SMYD3: variants seen among roughly 807,000 people sequenced by gnomAD.
SMYD3 encodes histone-lysine N-methyltransferase SMYD3.
SMYD3 carries 36 observed loss-of-function variants against 57.7 expected under a neutral mutation model. The ratio of observed to expected loss-of-function variants is 0.62; its 90% CI spans 0.48 to 0.82. The LOEUF is 0.82. Ranked by LOEUF, SMYD3 falls within the 40% of genes least tolerant of loss-of-function variation. SMYD3 has a pLI of 0.00. For synonymous variants in SMYD3, 211 were observed against 195.0 expected (o/e 1.08, Z -0.68); for missense variants, 515 against 538.8 (o/e 0.96, Z 0.44).
intron 8 of SMYD3, among the ~76,000 whole-genome samples, chr1:245,875,461 A>G (rs919897409): frequency 6.6e-6 from 1 of 152,232 alleles, no homozygotes; most frequent in South Asian, 2.1e-4. Context: ...CTGCTCACTG[A>G]GCCGCCTGAG....
chr1:246,296,809 T>C (rs2064803172), intron 5 of SMYD3, among the ~76,000 whole-genome samples: 1 of 152,188 alleles, frequency 6.6e-6, no homozygotes, highest in Non-Finnish European at 1.5e-5. Context: ...AAACTCCTAT[T>C]TAAGTGATTA....
chr1:246,206,037 C>T (rs2062995151), intron 5 of SMYD3, among the ~76,000 whole-genome samples: 1 of 152,062 alleles, frequency 6.6e-6, no homozygotes, highest in African/African-American at 2.4e-5. Context: ...GAGGCTTTCC[C>T]TGATGCTGCA....
At chr1:245,980,230 G>A (rs992882801) in intron 5 of SMYD3, among the ~76,000 whole-genome samples, 3 of 152,230 alleles carry the variant, frequency 2.0e-5, no homozygotes, top group Non-Finnish European at 4.4e-5. Context: ...TTGCTTTACT[G>A]TGAACTCACC....
rs139964236 is a variant in SMYD3 at position 246,158,535 on chromosome 1, C to T, written c.531+168666G>A. On this transcript the variant is annotated intron_variant, in intron 5 of 11. Coordinates refer to ENST00000490107, the MANE Select transcript of SMYD3 (RefSeq NM_001167740.2). ...GGCTTTGTTTTTTTGAGAACTACCC[C>T]GTAGAGTAAAGCATACCTTTTTATA... Among the ~76,000 whole-genome samples, 714 of 152,058 alleles carry T rather than the reference C, an allele frequency of 4.7e-3. 7 individuals carry two copies. The highest frequency in any genetic ancestry group is 0.01 in the Middle Eastern group (3 of 294).
At chr1:245,867,784 C>T (rs1178733904) in intron 8 of SMYD3, among the ~76,000 whole-genome samples, 1 of 152,120 alleles carries the variant, frequency 6.6e-6, no homozygotes. Flanking sequence ...CGGGGAAGGT[C>T]TCACCAAAGT....
chr1:246,451,577 G>C (rs2067633061), intron 1 of SMYD3, among the ~76,000 whole-genome samples: 1 of 152,192 alleles, frequency 6.6e-6, no homozygotes, highest in South Asian at 2.1e-4. Context: ...TTACACATAT[G>C]TCAAAACCCA....
chr1:245,767,415 G>A (rs1276214583), intron 10 of SMYD3, among the ~76,000 whole-genome samples: 1 of 152,164 alleles, frequency 6.6e-6, no homozygotes, highest in Non-Finnish European at 1.5e-5. Flanking sequence ...TGCAGGTGAG[G>A]CAAATGAAAT....
intron 10 of SMYD3, among the ~76,000 whole-genome samples, chr1:245,773,940 A>C (rs184571129): frequency 6.6e-6 from 1 of 152,154 alleles, no homozygotes; most frequent in African/African-American, 2.4e-5. Context: ...TTTTCAGAAA[A>C]TTTTAAATTT....
intron 1 of SMYD3, among the ~76,000 whole-genome samples, chr1:246,365,734 G>A (rs1456303060): frequency 6.6e-6 from 1 of 152,102 alleles, no homozygotes; most frequent in Non-Finnish European, 1.5e-5. Context: ...GGTTCTGAGA[G>A]CAGAATTAAA....
At chr1:246,331,497 A>C (rs543284858) in intron 3 of SMYD3, among the ~76,000 whole-genome samples, 1 of 152,352 alleles carries the variant, frequency 6.6e-6, no homozygotes, top group Non-Finnish European at 1.5e-5. Flanking sequence ...TATTCCCACA[A>C]GAAGATAGCA....
At chr1:246,339,556 T>A (rs987687159) in intron 2 of SMYD3, among the ~76,000 whole-genome samples, 1 of 151,430 alleles carries the variant, frequency 6.6e-6, no homozygotes, top group Non-Finnish European at 1.5e-5. Flanking sequence ...CAGTTACACA[T>A]GCCACACACA....
chr1:246,353,062 G>A (rs1016072410), intron 2 of SMYD3, among the ~76,000 whole-genome samples: 7 of 152,096 alleles, frequency 4.6e-5, no homozygotes, highest in African/African-American at 7.2e-5. Context: ...TTTCTGGAAC[G>A]AATACTGTAT....
At chr1:246,269,128 T>C (rs2064167784) in intron 5 of SMYD3, among the ~76,000 whole-genome samples, 1 of 152,180 alleles carries the variant, frequency 6.6e-6, no homozygotes, top group Non-Finnish European at 1.5e-5. Context: ...CCATCTAAAA[T>C]GTATGCTTCA....
chr1:246,447,491 T>C (rs1158567091), intron 1 of SMYD3, among the ~76,000 whole-genome samples: 1 of 151,992 alleles, frequency 6.6e-6, no homozygotes. Flanking sequence ...TTTCCAGAAG[T>C]TTCTCTCACA....
intron 3 of SMYD3, among the ~76,000 whole-genome samples, chr1:246,331,452 A>G (rs771459302): frequency 2.0e-5 from 3 of 152,232 alleles, no homozygotes; most frequent in African/African-American, 4.8e-5. Context: ...GATTACTACC[A>G]TCTCATACCT....
intron 1 of SMYD3, among the ~76,000 whole-genome samples, chr1:246,392,796 A>C (rs1379056264): frequency 9.3e-6 from 1 of 107,904 alleles, no homozygotes; most frequent in African/African-American, 3.7e-5. Flanking sequence ...AAAAAAAAGA[A>C]AAAGAAAAAG....
chr1:245,768,025 A>G (rs2046187929), intron 10 of SMYD3, among the ~76,000 whole-genome samples: 1 of 152,200 alleles, frequency 6.6e-6, no homozygotes, highest in Non-Finnish European at 1.5e-5. Context: ...GAATCTGGGG[A>G]TCCAAGGGGG....
intron 5 of SMYD3, among the ~76,000 whole-genome samples, chr1:246,284,641 C>T (rs1311305587): frequency 6.6e-6 from 1 of 152,088 alleles, no homozygotes; most frequent in African/African-American, 2.4e-5. Flanking sequence ...TGGTCTCGAT[C>T]TCCTGACCTC....
At chr1:246,304,610 T>G (rs2064948876) in intron 5 of SMYD3, among the ~76,000 whole-genome samples, 1 of 152,102 alleles carries the variant, frequency 6.6e-6, no homozygotes, top group African/African-American at 2.4e-5. Flanking sequence ...AGCATGAAAA[T>G]CCACTTACTA....
Sources: allele counts gnomAD v4.1 joint callset (sites outside exome capture counted in the v4.1 genomes callset), GRCh38; gene constraint gnomAD v4.1.1; transcripts MANE v1.5; gene names NCBI Gene and HGNC (gene_info 2026-07-23, HGNC 2026-07-21).